Variants in OR14I1 observed in about 807,000 individuals in gnomAD.
The protein encoded by OR14I1 is olfactory receptor family 14 subfamily I member 1, also known as olfactory receptor 14I1.
For synonymous variants in OR14I1, 118 were observed against 71.1 expected, an observed-to-expected ratio of 1.66 and a Z score of -3.32; for missense variants, 279 against 181.8, an observed-to-expected ratio of 1.53 and a Z score of -3.07.
chr1:248,699,531 T>G, the OR14I1 span, among the ~76,000 whole-genome samples: 1 of 151,896 alleles, frequency 6.6e-6, no homozygotes, highest in Non-Finnish European at 1.5e-5. Context: ...GTAGCTGAAA[T>G]TAATGGTAGG....
chr1:248,701,473 C>T, the OR14I1 span, among the ~76,000 whole-genome samples: 1 of 152,110 alleles, frequency 6.6e-6, no homozygotes, highest in Non-Finnish European at 1.5e-5. Context: ...TAATAATAGG[C>T]AGAAGATTTT....
At chr1:248,691,478 G>C in the OR14I1 span, among the ~76,000 whole-genome samples, 1 of 152,242 alleles carries the variant, frequency 6.6e-6, no homozygotes, top group East Asian at 1.9e-4. Flanking sequence ...AAAATGCTTA[G>C]ACTAGGTAGG....
At chr1:248,690,511 C>G in the OR14I1 span, among the ~76,000 whole-genome samples, 1 of 151,142 alleles carries the variant, frequency 6.6e-6, no homozygotes, top group Non-Finnish European at 1.5e-5. Context: ...CACATACACC[C>G]TCCCAAGACT....
exon 1 of OR14I1, chr1:248,682,041 G>A (rs762249538): frequency 3.8e-6 from 3 of 780,946 alleles, no homozygotes; most frequent in African/African-American, 3.4e-5. Flanking sequence ...AAGAGATGGA[G>A]CTTCTGCGAG....
the OR14I1 span, among the ~76,000 whole-genome samples, chr1:248,702,361 T>C: frequency 6.6e-6 from 1 of 152,176 alleles, no homozygotes; most frequent in Non-Finnish European, 1.5e-5. Context: ...AAGGGAGAAA[T>C]TGGCCAAAAC....
At chr1:248,690,600 CAAAAAAAAAA>C in the OR14I1 span, among the ~76,000 whole-genome samples, 8 of 51,524 alleles carry the variant, frequency 1.6e-4, no homozygotes, top group Admixed American at 3.5e-4. Flanking sequence ...GTCTACCAAC[CAAAAAAAAAA>C]AAAAAAAAAA....
chr1:248,685,281 C>G (rs1381022389), upstream of OR14I1, among the ~76,000 whole-genome samples: 3 of 152,130 alleles, frequency 2.0e-5, no homozygotes, highest in Admixed American at 2.0e-4. Flanking sequence ...CATTATAATA[C>G]TATTTAACAA....
the OR14I1 span, among the ~76,000 whole-genome samples, chr1:248,694,925 A>C: frequency 6.6e-6 from 1 of 152,262 alleles, no homozygotes; most frequent in Non-Finnish European, 1.5e-5. Flanking sequence ...TACAGTGGCC[A>C]CTAGCCATGT....
the OR14I1 span, among the ~76,000 whole-genome samples, chr1:248,693,507 TAA>T: frequency 3.9e-5 from 6 of 152,176 alleles, no homozygotes; most frequent in African/African-American, 1.4e-4. Flanking sequence ...TTTGATAAGA[TAA>T]AAGAGTTCAG....
chr1:248,680,458 C>T (rs1317326903), downstream of OR14I1, among the ~76,000 whole-genome samples: 3 of 152,256 alleles, frequency 2.0e-5, no homozygotes, highest in East Asian at 1.9e-4. Context: ...AGTGTTTCCA[C>T]GAATCCTCTT....
chr1:248,701,001 T>C, the OR14I1 span, among the ~76,000 whole-genome samples: 1 of 152,200 alleles, frequency 6.6e-6, no homozygotes, highest in Non-Finnish European at 1.5e-5. Flanking sequence ...GCAATGTAAT[T>C]TATGTTTTCT....
chr1:248,701,939 C>A, the OR14I1 span, among the ~76,000 whole-genome samples: 1 of 152,216 alleles, frequency 6.6e-6, no homozygotes, highest in South Asian at 2.1e-4. Context: ...GGAAGCATGG[C>A]TGGGGGGCCT....
At chr1:248,690,896 G>A in the OR14I1 span, among the ~76,000 whole-genome samples, 3 of 152,100 alleles carry the variant, frequency 2.0e-5, no homozygotes, top group East Asian at 1.9e-4. Context: ...TATCCATCAC[G>A]ATCAAGTAGG....
chr1:248,701,327 T>A, the OR14I1 span, among the ~76,000 whole-genome samples: 1 of 152,064 alleles, frequency 6.6e-6, no homozygotes, highest in African/African-American at 2.4e-5. Context: ...AATTTTTGTA[T>A]TTTTTAAGTA....
downstream of OR14I1, among the ~76,000 whole-genome samples, chr1:248,678,663 T>G (rs544862086): frequency 6.6e-6 from 1 of 152,366 alleles, no homozygotes; most frequent in East Asian, 1.9e-4. Flanking sequence ...TACAAAGCCT[T>G]AATTCTAAAT....
At chr1:248,698,758 TG>T in the OR14I1 span, 1 of 152,236 alleles carries the variant, frequency 6.6e-6, no homozygotes, top group Non-Finnish European at 1.5e-5. Flanking sequence ...CACCAGAGTG[TG>T]ACTTGACTTA....
the OR14I1 span, among the ~76,000 whole-genome samples, chr1:248,699,380 G>A: frequency 6.6e-6 from 1 of 152,212 alleles, no homozygotes; most frequent in Non-Finnish European, 1.5e-5. Context: ...TTTGGACATA[G>A]GGTAAAAGTA....
chr1:248,694,722 G>C, the OR14I1 span, among the ~76,000 whole-genome samples: 3 of 152,150 alleles, frequency 2.0e-5, no homozygotes, highest in African/African-American at 4.8e-5. Context: ...GAATGACCTT[G>C]TACAAATGCA....
the OR14I1 span, among the ~76,000 whole-genome samples, chr1:248,695,565 T>C: frequency 6.6e-6 from 1 of 152,150 alleles, no homozygotes; most frequent in Admixed American, 6.6e-5. Context: ...ACATTTGGAT[T>C]GTGCTTCCTC....
Sources: gnomAD v4.1 joint callset for allele counts (sites outside exome capture counted in the v4.1 genomes callset) on GRCh38, gnomAD v4.1.1 for gene constraint, MANE v1.5 for transcripts, NCBI Gene and HGNC (gene_info 2026-07-23, HGNC 2026-07-21) for gene names.